Variants in CNTN4 observed in about 807,000 individuals in gnomAD.
CNTN4 encodes the protein contactin-4.
Under a neutral mutation model 122.5 loss-of-function variants are expected in CNTN4, and 77 were observed. The ratio of observed to expected loss-of-function variants is 0.63; its 90% CI spans 0.52 to 0.76. The LOEUF (loss-of-function observed/expected upper bound fraction) is 0.76, where lower values mean the gene tolerates loss of function less well. CNTN4 is among the 30% of genes least tolerant of loss of function. CNTN4 has a pLI of 0.00. For synonymous variants in CNTN4, 512 were observed against 447.0 expected, an observed-to-expected ratio of 1.15 and a Z score of -1.83; for missense variants, 1,256 against 1,259.1, an observed-to-expected ratio of 1.00 and a Z score of 0.04.
intron 3 of CNTN4, among the ~76,000 whole-genome samples, chr3:2,514,857 C>T (rs1174159415): frequency 1.3e-5 from 2 of 152,030 alleles, no homozygotes; most frequent in African/African-American, 4.8e-5. Context: ...CACTAGGATG[C>T]TTTCATTTTT....
At chr3:2,442,799 A>C (rs1459222242) in intron 3 of CNTN4, among the ~76,000 whole-genome samples, 2 of 152,148 alleles carry the variant, frequency 1.3e-5, no homozygotes, top group African/African-American at 2.4e-5. Flanking sequence ...GTGAATCCTA[A>C]ATTACCAAAC....
chr3:2,819,337 T>C, intron 6 of CNTN4, 149 bp from the exon 7 acceptor site: 1 of 679,092 alleles, frequency 1.5e-6, no homozygotes, highest in East Asian at 2.7e-5. Context: ...GACAATGTCA[T>C]ATGAAAAGAA....
At chr3:2,137,733 T>C (rs1461803513) in intron 2 of CNTN4, among the ~76,000 whole-genome samples, 1 of 152,168 alleles carries the variant, frequency 6.6e-6, no homozygotes, top group Non-Finnish European at 1.5e-5. Flanking sequence ...TCGAAAGATT[T>C]TGAGTCCAGA....
intron 7 of CNTN4, among the ~76,000 whole-genome samples, chr3:2,850,082 C>T (rs1442073543): frequency 6.6e-6 from 1 of 151,656 alleles, no homozygotes; most frequent in Non-Finnish European, 1.5e-5. Flanking sequence ...CTCCACCTCC[C>T]GAGTTCAAGT....
chr3:2,592,783 C>G (rs1345750331), intron 4 of CNTN4, among the ~76,000 whole-genome samples: 2 of 152,196 alleles, frequency 1.3e-5, no homozygotes, highest in South Asian at 2.1e-4. Flanking sequence ...TTTAACCACT[C>G]TCTGGAGTGT....
intron 13 of CNTN4, among the ~76,000 whole-genome samples, chr3:2,956,326 G>A: frequency 6.6e-6 from 1 of 152,110 alleles, no homozygotes; most frequent in East Asian, 1.9e-4. Flanking sequence ...TAAAGAGTTT[G>A]CTAGAGATGA....
rs190114563 is a variant in CNTN4, at chr3:2,549,442, A to G, written c.-88-21974A>G. Among the ~76,000 whole-genome samples the G allele has an allele frequency of 2.7e-3, 405 of 152,312 alleles. 3 individuals carry two copies. Among genetic ancestry groups the G allele is most frequent in the African/African-American group, 9.2e-3 (382 of 41,560 alleles). ...TGAATTTTATCGAGAACTTTTCTGC[A>G]TCTATTGAGATAATCAGGTGGTTTT... is the stretch of plus-strand genomic sequence containing the variant. On this transcript the variant is annotated intron_variant, in intron 3 of 24. Transcript: ENST00000418658.
chr3:2,170,329 A>AAAC (rs146108966), intron 2 of CNTN4, among the ~76,000 whole-genome samples: 1 of 152,162 alleles, frequency 6.6e-6, no homozygotes, highest in African/African-American at 2.4e-5. Context: ...CAAAACAAAA[A>AAAC]AACAACAACA....
chr3:2,442,855 G>C (rs1197879033), intron 3 of CNTN4, among the ~76,000 whole-genome samples: 1 of 152,074 alleles, frequency 6.6e-6, no homozygotes, highest in Non-Finnish European at 1.5e-5. Context: ...TTTATTCCAA[G>C]TTTAATTTTC....
chr3:2,674,056 A>G (rs939282886), intron 4 of CNTN4, among the ~76,000 whole-genome samples: 4 of 152,302 alleles, frequency 2.6e-5, no homozygotes, highest in African/African-American at 4.8e-5. Context: ...CTCCAGCTGA[A>G]TGTAGCCACG....
At chr3:2,299,398 A>G (rs2042423524) in intron 2 of CNTN4, among the ~76,000 whole-genome samples, 1 of 151,962 alleles carries the variant, frequency 6.6e-6, no homozygotes, top group African/African-American at 2.4e-5. Context: ...GTGAATTTTG[A>G]GATTGTAGTG....
At chr3:2,268,597 A>G (rs1230051106) in intron 2 of CNTN4, among the ~76,000 whole-genome samples, 2 of 151,838 alleles carry the variant, frequency 1.3e-5, no homozygotes, top group Non-Finnish European at 2.9e-5. Context: ...ATTTTTTAGG[A>G]TAGACTAGGT....
At chr3:2,189,656 A>C (rs1055803175) in intron 2 of CNTN4, among the ~76,000 whole-genome samples, 1 of 152,180 alleles carries the variant, frequency 6.6e-6, no homozygotes, top group African/African-American at 2.4e-5. Flanking sequence ...CCCCATTCTG[A>C]CTTTCCTCTC....
At chr3:2,814,661 T>G (rs2092687975) in intron 6 of CNTN4, among the ~76,000 whole-genome samples, 1 of 152,234 alleles carries the variant, frequency 6.6e-6, no homozygotes, top group African/African-American at 2.4e-5. Context: ...GTAACTGATT[T>G]GAAAGCTCTT....
chr3:2,295,413 T>G (rs1251285133), intron 2 of CNTN4, among the ~76,000 whole-genome samples: 1 of 135,650 alleles, frequency 7.4e-6, no homozygotes, highest in Non-Finnish European at 1.6e-5. Context: ...TTGATTTGCA[T>G]TTCTCTGATA....
At chr3:2,667,280 A>G (rs1017745966) in intron 4 of CNTN4, among the ~76,000 whole-genome samples, 12 of 152,118 alleles carry the variant, frequency 7.9e-5, no homozygotes, top group African/African-American at 2.9e-4. Context: ...AATGATTGCC[A>G]TTCTAACTGG....
chr3:2,363,209 A>G (rs1329697209), intron 3 of CNTN4, among the ~76,000 whole-genome samples: 1 of 152,192 alleles, frequency 6.6e-6, no homozygotes, highest in Non-Finnish European at 1.5e-5. Flanking sequence ...CAGTGTTACT[A>G]AAGAAAATAA....
At chr3:2,279,254 G>A (rs189211560) in intron 2 of CNTN4, among the ~76,000 whole-genome samples, 101 of 152,224 alleles carry the variant, frequency 6.6e-4, no homozygotes, top group African/African-American at 2.4e-3. Flanking sequence ...GGAATCACAC[G>A]TGTAACTTTC....
intron 4 of CNTN4, among the ~76,000 whole-genome samples, chr3:2,660,889 G>A (rs2083857525): frequency 6.6e-6 from 1 of 152,160 alleles, no homozygotes; most frequent in Non-Finnish European, 1.5e-5. Flanking sequence ...AAGACAAAAG[G>A]AACTCAAGCC....
Sources: gnomAD v4.1 joint callset for allele counts (sites outside exome capture counted in the v4.1 genomes callset) on GRCh38, gnomAD v4.1.1 for gene constraint, MANE v1.5 for transcripts, NCBI Gene and HGNC (gene_info 2026-07-23, HGNC 2026-07-21) for gene names.